The following OSTF1 variants were observed in gnomAD, a reference collection of about 807,000 sequenced individuals.
OSTF1 encodes osteoclast-stimulating factor 1.
In OSTF1, 27 loss-of-function variants were observed where a neutral mutation model predicts 37.2. The observed-to-expected ratio is 0.73, with a 90% CI of 0.54 to 1.00. OSTF1 has a LOEUF of 1.00. Among genes scored for constraint, OSTF1 ranks in the 50% least tolerant of loss-of-function variants. The probability of loss-of-function intolerance (pLI) is 0.00; values close to 1 mark genes in which losing one functional copy is unlikely to be tolerated. For synonymous variants in OSTF1, 82 were observed against 89.2 expected (o/e 0.92, Z 0.46); for missense variants, 232 against 253.8 (o/e 0.91, Z 0.58).
At chr9:75,100,222 G>A (rs1415264732) in intron 1 of OSTF1, among the ~76,000 whole-genome samples, 1 of 152,174 alleles carries the variant, frequency 6.6e-6, no homozygotes, top group Non-Finnish European at 1.5e-5. Flanking sequence ...GTCTCTGTGA[G>A]CAGAGGTTAT....
chr9:75,098,675 T>C (rs990313798), intron 1 of OSTF1, among the ~76,000 whole-genome samples: 3 of 152,238 alleles, frequency 2.0e-5, no homozygotes, highest in African/African-American at 7.2e-5. Flanking sequence ...AGAAATTCTC[T>C]GTGCAAAATA....
At chr9:75,144,752 A>C (rs1825994286) in intron 9 of OSTF1, among the ~76,000 whole-genome samples, 1 of 152,092 alleles carries the variant, frequency 6.6e-6, no homozygotes. Flanking sequence ...CCTTAATATC[A>C]TCAAATATCT....
chr9:75,097,414 C>A (rs1382897297), intron 1 of OSTF1, among the ~76,000 whole-genome samples: 2 of 152,052 alleles, frequency 1.3e-5, no homozygotes, highest in African/African-American at 4.8e-5. Context: ...AAAGTGTAAA[C>A]CAAAAATAAA....
chr9:75,126,297 T>G (rs1389788050), intron 2 of OSTF1, among the ~76,000 whole-genome samples: 1 of 152,236 alleles, frequency 6.6e-6, no homozygotes, highest in African/African-American at 2.4e-5. Flanking sequence ...GCCTTTCTTT[T>G]AAAAGTATTT....
chr9:75,105,374 C>G (rs922065010), intron 1 of OSTF1, among the ~76,000 whole-genome samples: 1 of 152,202 alleles, frequency 6.6e-6, no homozygotes, highest in Non-Finnish European at 1.5e-5. Flanking sequence ...TGCAGCTACT[C>G]AACTCTGCCA....
intron 5 of OSTF1, 40 bp from the exon 6 acceptor site, chr9:75,133,254 C>CT: frequency 7.9e-7 from 1 of 1,261,136 alleles, no homozygotes; most frequent in South Asian, 1.3e-5. Flanking sequence ...AAAGTGAAAG[C>CT]TTTTTTTCTT....
In OSTF1 at chr9:75,130,566, T is replaced by G. The variant is rs1484557545; in HGVS notation, c.133-12T>G. ...GATTTCATACCACTTAATTTAACTCTTCTTTTACCAGAGCGATACCAATTG... is the reference window on the plus strand; with the variant it reads ...GATTTCATACCACTTAATTTAACTCGTCTTTTACCAGAGCGATACCAATTG... On this transcript the variant is annotated splice_polypyrimidine_tract_variant and intron_variant, in intron 3 of 9. Coordinates refer to ENST00000346234, the MANE Select transcript of OSTF1 (RefSeq NM_012383.5). 6.3e-7 allele frequency: 1 copy of G among 1,589,416 alleles called. No homozygotes were observed.
chr9:75,133,453 C>A, intron 6 of OSTF1, 52 bp downstream of exon 6: 1 of 1,045,516 alleles, frequency 9.6e-7, no homozygotes, highest in Non-Finnish European at 1.5e-6. Context: ...ATGTGTTTCA[C>A]CTACGGGAGC....
At chr9:75,098,100 T>G (rs1310964493) in intron 1 of OSTF1, among the ~76,000 whole-genome samples, 1 of 152,178 alleles carries the variant, frequency 6.6e-6, no homozygotes, top group Non-Finnish European at 1.5e-5. Flanking sequence ...TAAATCTGAT[T>G]TGAAATCTTC....
intron 1 of OSTF1, among the ~76,000 whole-genome samples, chr9:75,106,886 G>A (rs147570491): frequency 1.4e-4 from 21 of 151,320 alleles, no homozygotes; most frequent in African/African-American, 3.9e-4. Context: ...CCTGGGACGC[G>A]GAGGTTGCAG....
chr9:75,089,213 CG>C (rs1175770877), intron 1 of OSTF1, among the ~76,000 whole-genome samples: 1 of 151,410 alleles, frequency 6.6e-6, no homozygotes, highest in Non-Finnish European at 1.5e-5. Flanking sequence ...GGGACTTAAG[CG>C]TGGAGCAGCG....
rs990764166 is a variant in OSTF1, at chr9:75,131,713, G to T, written c.197-57G>T. ...GGACTGTGGTGAATGAGTGGCTTCA[G>T]TAAATCATTTGTGTGGCAATTCCAC... On this transcript the variant is annotated intron_variant, in intron 4 of 9. Transcript: ENST00000346234. 9 of 1,347,490 alleles carry T rather than the reference G, an allele frequency of 6.7e-6. No individual in the cohort carries two copies. In the African/African-American group the frequency reaches 1.3e-4, roughly 19 times the overall value. 83.5% of individuals were successfully genotyped at this position (1,347,490 alleles called of 1,614,324 possible).
chr9:75,092,464 G>A (rs942309741), intron 1 of OSTF1, among the ~76,000 whole-genome samples: 4 of 152,174 alleles, frequency 2.6e-5, no homozygotes, highest in Admixed American at 1.3e-4. Context: ...GTCTAATGGG[G>A]AAGACGTATG....
In OSTF1 at chr9:75,141,032, C is replaced by T. The variant is rs776819103; in HGVS notation, c.586+100C>T. ...AGATAAACTCAGCTGAGTGCAGTGG[C>T]TTATACCTGTAATCCCAGCACTTTG... On this transcript the variant is annotated intron_variant, in intron 9 of 9. Transcript: ENST00000346234. The T allele has an allele frequency of 2.4e-5, 19 of 797,488 alleles. No homozygotes were observed. The Middle Eastern group carries it at 7.8e-4, about 33-fold the overall frequency. 49.4% of individuals were successfully genotyped at this position (797,488 alleles called of 1,614,324 possible). A position where few individuals can be genotyped will look rare whatever the true frequency, so the allele number is the denominator to read the frequency against.
intron 1 of OSTF1, among the ~76,000 whole-genome samples, chr9:75,101,238 A>G (rs1825187944): frequency 6.6e-6 from 1 of 152,148 alleles, no homozygotes; most frequent in Non-Finnish European, 1.5e-5. Flanking sequence ...GCGTCAGGTC[A>G]GGTAGGTCAG....
At chr9:75,088,806 G>GC in intron 1 of OSTF1, 80 bp downstream of exon 1, 1 of 1,391,136 alleles carries the variant, frequency 7.2e-7, no homozygotes, top group Non-Finnish European at 1.0e-6. Context: ...TGGCAGGGAG[G>GC]ACCCGGCGCG....
intron 2 of OSTF1, among the ~76,000 whole-genome samples, chr9:75,121,405 CT>C (rs996001562): frequency 5.3e-5 from 8 of 152,052 alleles, no homozygotes; most frequent in Admixed American, 5.2e-4. Context: ...ACATTTAATT[CT>C]TTAGGCTTTA....
rs371248167 is a variant in OSTF1, at chr9:75,139,405, A to G, written c.488-1429A>G. ...ACTTTCCTACACTGTGGCAGAAAGTATGAACTGACAAAGCCTTCTTTTTTT... is the reference window on the plus strand; with the variant it reads ...ACTTTCCTACACTGTGGCAGAAAGTGTGAACTGACAAAGCCTTCTTTTTTT... On this transcript the variant is annotated intron_variant, in intron 8 of 9. Coordinates refer to ENST00000346234, the MANE Select transcript of OSTF1 (RefSeq NM_012383.5). Among the ~76,000 whole-genome samples, 10 of 152,160 alleles carry G rather than the reference A, an allele frequency of 6.6e-5. No individual in the cohort carries two copies. In the East Asian group the frequency reaches 1.2e-3, roughly 18 times the overall value.
intron 1 of OSTF1, among the ~76,000 whole-genome samples, chr9:75,093,048 CTCTCTT>C (rs1428598597): frequency 1.6e-5 from 2 of 127,576 alleles, no homozygotes; most frequent in African/African-American, 3.2e-5. Context: ...CTTTCTCTCT[CTCTCTT>C]TCTTTCTTTC....
Sources: gnomAD v4.1 joint callset for allele counts (sites outside exome capture counted in the v4.1 genomes callset) on GRCh38, gnomAD v4.1.1 for gene constraint, MANE v1.5 for transcripts, NCBI Gene and HGNC (gene_info 2026-07-23, HGNC 2026-07-21) for gene names.